The following FAM133B variants were observed in gnomAD, a reference collection of about 807,000 sequenced individuals.
FAM133B encodes protein FAM133B.
FAM133B carries 25 observed loss-of-function variants against 46.4 expected under a neutral mutation model. That is an observed-to-expected ratio of 0.54 (90% CI 0.39 to 0.75). The LOEUF is 0.75. FAM133B is among the 30% of genes least tolerant of loss of function. The probability of loss-of-function intolerance (pLI) is 0.00; values close to 1 mark genes in which losing one functional copy is unlikely to be tolerated. For synonymous variants in FAM133B, 75 were observed against 86.0 expected (o/e 0.87, Z 0.71); for missense variants, 205 against 277.6 (o/e 0.74, Z 1.86).
intron 1 of FAM133B, among the ~76,000 whole-genome samples, chr7:92,588,849 GAC>G (rs1471456273): frequency 6.6e-6 from 1 of 152,148 alleles, no homozygotes; most frequent in Non-Finnish European, 1.5e-5. Context: ...TGCCATGTAA[GAC>G]GCCTGCTCCT....
In FAM133B at chr7:92,575,846, A is replaced by C. The variant is rs192856610; in HGVS notation, c.466-25T>G. On this transcript the variant is annotated intron_variant, in intron 7 of 10. Coordinates refer to ENST00000445716, the MANE Select transcript of FAM133B (RefSeq NM_152789.4). ...CCTAAACAAAGAAATATATGTATCAATTTTAAATGCCAAGGACACAGCATT... is the reference window on the plus strand; with the variant it reads ...CCTAAACAAAGAAATATATGTATCACTTTTAAATGCCAAGGACACAGCATT... The C allele has an allele frequency of 7.4e-6, 8 of 1,081,364 alleles. No individual in the cohort carries two copies. The African/African-American group carries it at 1.2e-4, about 17-fold the overall frequency. The allele number at this position is 1,081,364 out of a possible 1,614,324, so 67.0% of individuals were successfully genotyped here. A position where few individuals can be genotyped will look rare whatever the true frequency, so the allele number is the denominator to read the frequency against.
At chr7:92,589,684 T>TGGGG (rs1034189039) in intron 1 of FAM133B, among the ~76,000 whole-genome samples, 1 of 152,194 alleles carries the variant, frequency 6.6e-6, no homozygotes, top group African/African-American at 2.4e-5. Flanking sequence ...ACAGTGTCTA[T>TGGGG]GGGGGCCAGG....
intron 9 of FAM133B, 29 bp from the exon 10 acceptor site, chr7:92,566,090 A>G: frequency 6.2e-7 from 1 of 1,610,102 alleles, no homozygotes; most frequent in Non-Finnish European, 8.5e-7. Flanking sequence ...TGTGGAGAAC[A>G]GAAGACAAAC....
chr7:92,562,309 A>C lies in FAM133B; in HGVS notation c.717T>G (p.Ala239=), dbSNP rs1432930187. 10 of 1,534,392 alleles carry C rather than the reference A, an allele frequency of 6.5e-6. No individual in the cohort carries two copies. The highest frequency in any genetic ancestry group is 1.7e-6 in the Non-Finnish European group (2 of 1,146,218). The change falls in exon 11 of 11, where the codon GCT becomes GCG. Residue 239 remains alanine, a synonymous_variant. Transcript: ENST00000445716. ...ATGGTGAGTCAGGACTTGAACTAGC[A>C]GCCTTCTTTTTCTTCTTCTTACTGT... is the stretch of plus-strand genomic sequence containing the variant. ...KKHSKKKKKK[A]ASSSPDSP
chr7:92,572,035 T>G (rs564830287), intron 8 of FAM133B, among the ~76,000 whole-genome samples: 1 of 152,232 alleles, frequency 6.6e-6, no homozygotes, highest in African/African-American at 2.4e-5. Context: ...TAATTTTAAA[T>G]AATAAAGGGG....
rs759080347 is a variant in FAM133B, at chr7:92,569,775, T to C, written c.609+48A>G. On this transcript the variant is annotated intron_variant, in intron 9 of 10. Transcript: ENST00000445716. ...TTCTAAGTCATATTTATTAAATCAA[T>C]AACTAAGCATTTTAAAATAGAGAAA... 63 of 907,818 alleles carry C rather than the reference T, an allele frequency of 6.9e-5. 1 individual carries two copies. The highest frequency in any genetic ancestry group is 6.9e-4 in the East Asian group (21 of 30,478). The allele number at this position is 907,818 out of a possible 1,614,324, so 56.2% of individuals were successfully genotyped here.
intron 2 of FAM133B, among the ~76,000 whole-genome samples, chr7:92,580,140 C>T (rs1457202939): frequency 6.6e-6 from 1 of 151,448 alleles, no homozygotes; most frequent in Non-Finnish European, 1.5e-5. Flanking sequence ...GTGGCATGAT[C>T]ATAGTTCACT....
At chr7:92,574,445 T>C (rs1794631123) in intron 8 of FAM133B, among the ~76,000 whole-genome samples, 1 of 152,022 alleles carries the variant, frequency 6.6e-6, no homozygotes, top group South Asian at 2.1e-4. Flanking sequence ...GGATATGGAG[T>C]GTTTTTATGG....
At chr7:92,567,320 C>T (rs1794384131) in intron 9 of FAM133B, among the ~76,000 whole-genome samples, 1 of 152,168 alleles carries the variant, frequency 6.6e-6, no homozygotes, top group South Asian at 2.1e-4. Flanking sequence ...AACTTGCTAC[C>T]ATGTAGCAGA....
At chr7:92,575,573 C>T (rs927005710) in intron 8 of FAM133B, among the ~76,000 whole-genome samples, 198 bp downstream of exon 8, 3 of 152,174 alleles carry the variant, frequency 2.0e-5, no homozygotes, top group South Asian at 2.1e-4. Flanking sequence ...TATATAAATT[C>T]AAACTCTTGG....
Position 92,569,857 on chromosome 7 carries a change from G to C in FAM133B, c.575C>G (p.Ser192Cys). 3 of 1,443,648 alleles carry C rather than the reference G, an allele frequency of 2.1e-6. No individual in the cohort carries two copies. Among genetic ancestry groups the C allele is most frequent in the South Asian group, 1.6e-5 (1 of 63,626 alleles). The allele number at this position is 1,443,648 out of a possible 1,614,324, so 89.4% of individuals were successfully genotyped here. ...KMYSEDKPLS[S>C]ESLSESEYIE... Reference sequence around the variant, plus strand: ...ATACTCTGATTCTGACAAGGACTCAGATGATAAAGGTTTATCTTCAGAATA... The same window carrying C: ...ATACTCTGATTCTGACAAGGACTCACATGATAAAGGTTTATCTTCAGAATA... Residue 192 changes from serine (S) to cysteine (C), a missense_variant, in exon 9 of 11, where the codon TCT (serine) becomes TGT (cysteine). Physicochemically the swap from Ser to Cys is moderately radical, Grantham distance 112. Coordinates refer to ENST00000445716, the MANE Select transcript of FAM133B (RefSeq NM_152789.4).
At chr7:92,583,979 G>C (rs1330321081) in intron 1 of FAM133B, among the ~76,000 whole-genome samples, 1 of 148,924 alleles carries the variant, frequency 6.7e-6, no homozygotes, top group Non-Finnish European at 1.5e-5. Flanking sequence ...GAACCCAGGA[G>C]GCAGAGGTTG....
At chr7:92,590,028 A>C in intron 1 of FAM133B, 1 of 599,854 alleles carries the variant, frequency 1.7e-6, no homozygotes, top group East Asian at 2.9e-5. Context: ...CAGCAGCGCC[A>C]GAAAGAGCGA....
intron 1 of FAM133B, among the ~76,000 whole-genome samples, chr7:92,584,153 C>T (rs919796056): frequency 5.3e-5 from 8 of 150,922 alleles, no homozygotes; most frequent in Non-Finnish European, 8.8e-5. Context: ...TTTGAAAAAT[C>T]CCCCTACCTC....
chr7:92,585,027 G>T (rs954490100), intron 1 of FAM133B, among the ~76,000 whole-genome samples: 2 of 152,058 alleles, frequency 1.3e-5, no homozygotes, highest in African/African-American at 4.8e-5. Flanking sequence ...CTCTGTATAT[G>T]GTGAACTGCA....
At chr7:92,567,857 C>T (rs956929215) in intron 9 of FAM133B, among the ~76,000 whole-genome samples, 6 of 150,888 alleles carry the variant, frequency 4.0e-5, no homozygotes, top group South Asian at 2.1e-4. Flanking sequence ...TCTGCCTTTC[C>T]GGTTCAAGCG....
chr7:92,579,469 A>C (rs1585310899), intron 2 of FAM133B, 74 bp from the exon 3 acceptor site: 8 of 1,028,346 alleles, frequency 7.8e-6, no homozygotes, highest in African/African-American at 4.9e-5. Context: ...AAGACAACAA[A>C]ATTTCATAAA....
chr7:92,579,279 A>G, intron 3 of FAM133B, 38 bp downstream of exon 3: 1 of 1,568,854 alleles, frequency 6.4e-7, no homozygotes, highest in Non-Finnish European at 8.7e-7. Flanking sequence ...ATAACTGGCC[A>G]AATTAGTCTA....
At chr7:92,589,465 T>G (rs1380246366) in intron 1 of FAM133B, among the ~76,000 whole-genome samples, 1 of 152,226 alleles carries the variant, frequency 6.6e-6, no homozygotes, top group African/African-American at 2.4e-5. Flanking sequence ...GTAATAATTT[T>G]CATGCCCAGT....
Sources: allele counts gnomAD v4.1 joint callset (sites outside exome capture counted in the v4.1 genomes callset), GRCh38; gene constraint gnomAD v4.1.1; transcripts MANE v1.5; gene names NCBI Gene and HGNC (gene_info 2026-07-23, HGNC 2026-07-21).